The following SORL1-AS1 variants were observed in gnomAD, a reference collection of about 807,000 sequenced individuals.
SORL1-AS1 encodes the protein SORL1 antisense RNA 1.
downstream of SORL1-AS1, among the ~76,000 whole-genome samples, chr11:121,442,765 G>A (rs557479623): frequency 8.9e-3 from 1,324 of 148,408 alleles, 22 homozygotes; most frequent in African/African-American, 0.031. Context: ...TGCAAGCTCC[G>A]CCTCCCAGGT....
chr11:121,438,994 C>T, the SORL1-AS1 span, among the ~76,000 whole-genome samples: 1 of 152,200 alleles, frequency 6.6e-6, no homozygotes, highest in South Asian at 2.1e-4. Context: ...CCACTGCACT[C>T]CAGCCTGGGC....
chr11:121,446,540 C>T (rs776645826), downstream of SORL1-AS1, among the ~76,000 whole-genome samples: 3 of 151,998 alleles, frequency 2.0e-5, no homozygotes, highest in East Asian at 1.9e-4. Context: ...CACCTGAGGA[C>T]GGGAGTTCGA....
At chr11:121,442,465 T>C (rs1283321328), downstream of SORL1-AS1, among the ~76,000 whole-genome samples, 1 of 151,676 alleles carries the variant, frequency 6.6e-6, no homozygotes, top group Non-Finnish European at 1.5e-5. Flanking sequence ...TGAAACCCCT[T>C]CTCTACTAAA....
downstream of SORL1-AS1, among the ~76,000 whole-genome samples, chr11:121,445,762 CT>C (rs890312177): frequency 1.1e-4 from 16 of 152,102 alleles, no homozygotes; most frequent in South Asian, 2.1e-4. Flanking sequence ...CAGTACTCAT[CT>C]TTTTTCCCCC....
chr11:121,448,709 C>T (rs1030634674), exon 2 of SORL1-AS1: 27 of 152,288 alleles, frequency 1.8e-4, no homozygotes, highest in African/African-American at 6.5e-4. Flanking sequence ...TGAGTGCCAC[C>T]ATGTGCCAAG....
At chr11:121,443,055 G>A (rs1860681461), downstream of SORL1-AS1, among the ~76,000 whole-genome samples, 1 of 151,868 alleles carries the variant, frequency 6.6e-6, no homozygotes, top group Non-Finnish European at 1.5e-5. Flanking sequence ...GAAGACGTGG[G>A]ATGGAAAAGA....
exon 2 of SORL1-AS1, chr11:121,448,865 G>A (rs1037566550): frequency 2.6e-5 from 4 of 152,200 alleles, no homozygotes; most frequent in African/African-American, 9.7e-5. Context: ...GCCTTAGAGT[G>A]AGGGCTGTAA....
chr11:121,444,939 GA>G (rs1257547320), downstream of SORL1-AS1, among the ~76,000 whole-genome samples: 1 of 152,124 alleles, frequency 6.6e-6, no homozygotes, highest in Non-Finnish European at 1.5e-5. Flanking sequence ...CATTGAAAAC[GA>G]AGAATTTTTC....
downstream of SORL1-AS1, among the ~76,000 whole-genome samples, chr11:121,446,626 C>G (rs1860727860): frequency 6.6e-6 from 1 of 152,038 alleles, no homozygotes; most frequent in Non-Finnish European, 1.5e-5. Context: ...TGACACATGC[C>G]TATAATCCCA....
At position 121,452,676 on chromosome 11, in the gene SORL1-AS1, C is replaced by G. The variant is rs1860823562; in HGVS notation, n.338G>C. ...TTTCCTCTCCCTGCACTTCCTCACC[C>G]CCGCATCCATCCGTTGCAGTCGCCT... On this transcript the variant is annotated splice_region_variant and non_coding_transcript_exon_variant, in exon 1 of 2. Transcript: ENST00000501964. This position sits in a 1 kb window ranked among gnomAD's most constrained non-coding sequence, Gnocchi z 5.3. 3 of 1,352,024 alleles carry G rather than the reference C, an allele frequency of 2.2e-6. No homozygotes were observed. Among genetic ancestry groups the G allele is most frequent in the South Asian group, 3.4e-5 (2 of 59,416 alleles). 83.8% of individuals were successfully genotyped at this position (1,352,024 alleles called of 1,614,324 possible).
chr11:121,451,989 C>A (rs1048181122), intron 1 of SORL1-AS1, among the ~76,000 whole-genome samples: 17 of 152,212 alleles, frequency 1.1e-4, no homozygotes, highest in Non-Finnish European at 2.5e-4. Context: ...GCAGGGAGAA[C>A]AAGGAGGTGT....
chr11:121,443,667 T>C (rs1488692756), downstream of SORL1-AS1, among the ~76,000 whole-genome samples: 2 of 152,234 alleles, frequency 1.3e-5, no homozygotes, highest in East Asian at 3.8e-4. Flanking sequence ...ACTTGAAGCA[T>C]CCTGGTCAGG....
rs1860831248 is a variant in SORL1-AS1, at chr11:121,452,901, G to A, written n.113C>T. 1.1e-5 allele frequency: 4 copies of A among 365,964 alleles called. No homozygotes were observed. In the South Asian group the frequency reaches 3.1e-4, roughly 29 times the overall value. 22.7% of individuals were successfully genotyped at this position (365,964 alleles called of 1,614,324 possible). A position where few individuals can be genotyped will look rare whatever the true frequency, so the allele number is the denominator to read the frequency against. On this transcript the variant is annotated non_coding_transcript_exon_variant, in exon 1 of 2. Transcript: ENST00000501964. The surrounding 1 kb of genome is among the most constrained non-coding windows in gnomAD (Gnocchi z 5.3). The stretch of plus-strand genomic sequence containing the variant: ...GATGTAGTTTCCGGCAGGTATAGGA[G>A]GGGTGCAGCTTCATTTTACATCTGG...
the SORL1-AS1 span, among the ~76,000 whole-genome samples, chr11:121,440,764 A>G: frequency 6.6e-6 from 1 of 152,214 alleles, no homozygotes; most frequent in African/African-American, 2.4e-5. Flanking sequence ...TATTACCACT[A>G]GATTATACCC....
Position 121,452,557 on chromosome 11 carries a change from C to A in SORL1-AS1, n.339+118G>T. 6.6e-7 allele frequency: 1 copy of A among 1,510,112 alleles called. No homozygotes were observed. The highest frequency in any genetic ancestry group is 8.8e-7 in the Non-Finnish European group (1 of 1,136,166). 93.5% of individuals were successfully genotyped at this position (1,510,112 alleles called of 1,614,324 possible). On this transcript the variant is annotated intron_variant and non_coding_transcript_variant, in intron 1 of 1. Coordinates refer to ENST00000501964, the Ensembl canonical transcript of SORL1-AS1. The surrounding 1 kb of genome is among the most constrained non-coding windows in gnomAD (Gnocchi z 5.3). ...GGGGGCGAGCCGCGCGGACGAGAAG[C>A]CGCTCCGGAGGAAACGGAGCGCTGC... is the stretch of plus-strand genomic sequence containing the variant.
chr11:121,441,123 C>A, the SORL1-AS1 span, among the ~76,000 whole-genome samples: 7 of 152,190 alleles, frequency 4.6e-5, no homozygotes, highest in Admixed American at 1.3e-4. Context: ...TCCATTACTA[C>A]TTTCTGATTT....
intron 1 of SORL1-AS1, among the ~76,000 whole-genome samples, chr11:121,451,724 A>C (rs1860795538): frequency 6.6e-6 from 1 of 152,106 alleles, no homozygotes; most frequent in Admixed American, 6.5e-5. Context: ...AGTAGATGAA[A>C]AACTGTGAGT....
downstream of SORL1-AS1, among the ~76,000 whole-genome samples, chr11:121,444,197 A>G (rs1360246315): frequency 1.3e-5 from 2 of 152,200 alleles, no homozygotes; most frequent in Non-Finnish European, 2.9e-5. Context: ...ATCACCTGGT[A>G]GTGAGGTTGA....
chr11:121,452,797 T>C lies in SORL1-AS1; in HGVS notation n.217A>G. On this transcript the variant is annotated non_coding_transcript_exon_variant, in exon 1 of 2. Transcript: ENST00000501964. The surrounding 1 kb of genome is among the most constrained non-coding windows in gnomAD (Gnocchi z 5.3). Reference sequence around the variant, plus strand: ...GCACTTGAATCGCATTGATCTTTCCTTCTTCCTGTCGATTTAGTAAACGTA... The same window carrying C: ...GCACTTGAATCGCATTGATCTTTCCCTCTTCCTGTCGATTTAGTAAACGTA... 1.9e-6 allele frequency: 1 copy of C among 520,348 alleles called. No individual in the cohort carries two copies. Among genetic ancestry groups the C allele is most frequent in the African/African-American group, 2.0e-5 (1 of 49,916 alleles). 32.2% of individuals were successfully genotyped at this position (520,348 alleles called of 1,614,324 possible).
Sources: gnomAD v4.1 joint callset for allele counts (sites outside exome capture counted in the v4.1 genomes callset) on GRCh38, gnomAD v4.1.1 for gene constraint, Gnocchi (gnomAD v3.1) non-coding constraint, MANE v1.5 for transcripts, NCBI Gene and HGNC (gene_info 2026-07-23, HGNC 2026-07-21) for gene names.